Variants in RCL1 observed in about 807,000 individuals in gnomAD.
The protein encoded by RCL1 is RNA terminal phosphate cyclase like 1, also known as RNA 3'-terminal phosphate cyclase-like protein.
A neutral mutation model predicts 42.4 loss-of-function variants in RCL1; 24 were observed. The ratio of observed to expected loss-of-function variants is 0.57; its 90% CI spans 0.41 to 0.80. RCL1 has a LOEUF of 0.80. Among genes scored for constraint, RCL1 ranks in the 30% least tolerant of loss-of-function variants. The pLI, the probability that RCL1 is intolerant of heterozygous loss-of-function variation, is 0.00. For missense variants in RCL1, 578 were observed against 467.9 expected (o/e 1.24, Z -2.17); for synonymous variants, 228 against 177.3 (o/e 1.29, Z -2.27).
At chr9:4,798,820 C>G (rs796999765) in intron 1 of RCL1, among the ~76,000 whole-genome samples, 9 of 151,442 alleles carry the variant, frequency 5.9e-5, no homozygotes, top group African/African-American at 1.9e-4. Context: ...TTTTGTGCCT[C>G]TGATGACAAA....
At chr9:4,827,089 C>G (rs1816790010) in intron 3 of RCL1, 56 bp downstream of exon 3, 2 of 1,610,612 alleles carry the variant, frequency 1.2e-6, no homozygotes, top group East Asian at 4.5e-5. Flanking sequence ...TGTCACAACC[C>G]AACTTGTGAG....
At chr9:4,834,913 C>T (rs767114193) in intron 5 of RCL1, among the ~76,000 whole-genome samples, 3 of 152,162 alleles carry the variant, frequency 2.0e-5, no homozygotes, top group Non-Finnish European at 2.9e-5. Flanking sequence ...CTAATAATGA[C>T]AGAGCTAGGA....
chr9:4,801,170 C>G (rs1015362407), intron 1 of RCL1, among the ~76,000 whole-genome samples: 1 of 152,082 alleles, frequency 6.6e-6, no homozygotes, highest in African/African-American at 2.4e-5. Flanking sequence ...TTTGTATTAA[C>G]TGTTTTGTTT....
intron 5 of RCL1, among the ~76,000 whole-genome samples, chr9:4,838,038 G>A (rs974291519): frequency 8.5e-5 from 13 of 152,118 alleles, no homozygotes; most frequent in African/African-American, 2.7e-4. Context: ...AATGGAGATC[G>A]CCCTCTTCTC....
At chr9:4,854,519 A>G (rs1330647174) in intron 8 of RCL1, among the ~76,000 whole-genome samples, 3 of 152,178 alleles carry the variant, frequency 2.0e-5, no homozygotes, top group Non-Finnish European at 4.4e-5. Context: ...AGGAGGACGC[A>G]GGACCCTCTG....
chr9:4,859,014 C>A (rs962888305), intron 8 of RCL1, among the ~76,000 whole-genome samples: 9 of 152,138 alleles, frequency 5.9e-5, no homozygotes, highest in African/African-American at 2.2e-4. Flanking sequence ...TGGGCTCTTC[C>A]ATATGGACAT....
At chr9:4,798,878 CTT>C (rs33938649) in intron 1 of RCL1, among the ~76,000 whole-genome samples, 4,220 of 139,736 alleles carry the variant, frequency 0.03, 120 homozygotes, top group African/African-American at 0.082. Context: ...AAGACTTCTT[CTT>C]TTTTTTTTTT....
chr9:4,860,344 C>CA lies in RCL1; in HGVS notation c.*71dup, dbSNP rs1818131541. 3 of 1,525,324 alleles carry CA rather than the reference C, an allele frequency of 2.0e-6. No homozygotes were observed. Among genetic ancestry groups the CA allele is most frequent in the Admixed American group, 2.1e-5 (1 of 48,052 alleles). The allele number at this position is 1,525,324 out of a possible 1,614,324, so 94.5% of individuals were successfully genotyped here. ...AAGCTGCCACGGACACCAATGGGAC[C>CA]AAGTCCAAATGGATTAATCCAGGAC... On this transcript the variant is annotated 3_prime_UTR_variant, in exon 9 of 9. Transcript: ENST00000381750.
chr9:4,846,103 A>G (rs545079252), intron 7 of RCL1, among the ~76,000 whole-genome samples: 1 of 152,222 alleles, frequency 6.6e-6, no homozygotes, highest in Non-Finnish European at 1.5e-5. Context: ...CCAGCCTCAC[A>G]GTGGAAAACA....
intron 3 of RCL1, among the ~76,000 whole-genome samples, chr9:4,829,306 A>T (rs1286014146): frequency 1.3e-5 from 2 of 152,188 alleles, no homozygotes; most frequent in African/African-American, 4.8e-5. Flanking sequence ...AGATGGAAGG[A>T]GAACGGAAGG....
At chr9:4,808,908 ACT>A (rs1816072770) in intron 1 of RCL1, among the ~76,000 whole-genome samples, 1 of 152,226 alleles carries the variant, frequency 6.6e-6, no homozygotes, top group Admixed American at 6.5e-5. Flanking sequence ...TGGGGGAACA[ACT>A]CTTAATGATT....
chr9:4,840,442 C>T (rs1312397415), intron 5 of RCL1, among the ~76,000 whole-genome samples: 1 of 152,122 alleles, frequency 6.6e-6, no homozygotes, highest in Non-Finnish European at 1.5e-5. Flanking sequence ...TTGGGGAATG[C>T]CAGCTTCTGT....
At chr9:4,797,571 A>T (rs1842931703) in intron 1 of RCL1, among the ~76,000 whole-genome samples, 1 of 152,194 alleles carries the variant, frequency 6.6e-6, no homozygotes, top group Non-Finnish European at 1.5e-5. Flanking sequence ...AGTGGTTAGA[A>T]TCCAAGGGTG....
chr9:4,827,459 C>T, intron 3 of RCL1: 1 of 350,790 alleles, frequency 2.9e-6, no homozygotes, highest in Non-Finnish European at 5.2e-6. Flanking sequence ...CTTACCCAGG[C>T]TTCAATCATA....
chr9:4,794,977 AC>A (rs113008434), intron 1 of RCL1, among the ~76,000 whole-genome samples: 51 of 152,076 alleles, frequency 3.4e-4, no homozygotes, highest in African/African-American at 1.2e-3. Context: ...TATTTGCCTT[AC>A]CCCGTTCATA....
Position 4,794,982 on chromosome 9 carries a change from G to C in RCL1, c.136+1755G>C, listed in dbSNP as rs147394807. Among the ~76,000 whole-genome samples the C allele has an allele frequency of 2.6e-4, 40 of 152,276 alleles. 2 individuals are homozygous for C. In the East Asian group the frequency reaches 7.5e-3, roughly 29 times the overall value. On this transcript the variant is annotated intron_variant, in intron 1 of 8. Transcript: ENST00000381750. Reference sequence around the variant, plus strand: ...TGTAGAGCATTATTTGCCTTACCCCGTTCATATACCAGGGGAAGAAAGAGA... The same window carrying C: ...TGTAGAGCATTATTTGCCTTACCCCCTTCATATACCAGGGGAAGAAAGAGA...
At chr9:4,830,296 A>AT (rs939339122) in intron 3 of RCL1, among the ~76,000 whole-genome samples, 11 of 152,134 alleles carry the variant, frequency 7.2e-5, no homozygotes, top group East Asian at 1.9e-4. Context: ...TGAGGTTGGG[A>AT]TTTTTTTTAG....
In RCL1 at chr9:4,826,898, A is replaced by G. The variant is rs1272051482; in HGVS notation, c.249A>G (p.Gly83=). 6.2e-7 allele frequency: 1 copy of G among 1,614,068 alleles called. No individual in the cohort carries two copies. Among genetic ancestry groups the G allele is most frequent in the Non-Finnish European group, 8.5e-7 (1 of 1,179,998 alleles). Residue 83 remains glycine (G), a synonymous_variant, in exon 3 of 9, where the codon GGA becomes GGG. Coordinates refer to ENST00000381750, the MANE Select transcript of RCL1 (RefSeq NM_005772.5). The stretch of plus-strand genomic sequence containing the variant: ...ATCAGCCTGGCCTCCTGTATGGTGG[A>G]TCTGTGGAACATGACTGTAGCGTCC... ...LYYQPGLLYG[G]SVEHDCSVLR... is the part of the protein sequence containing the mutation.
intron 3 of RCL1, among the ~76,000 whole-genome samples, chr9:4,830,949 A>G (rs1816923851): frequency 6.6e-6 from 1 of 152,166 alleles, no homozygotes; most frequent in Non-Finnish European, 1.5e-5. Flanking sequence ...CCTTAAGCAG[A>G]ACTTACAGGC....
Sources: allele counts gnomAD v4.1 joint callset (sites outside exome capture counted in the v4.1 genomes callset), GRCh38; gene constraint gnomAD v4.1.1; transcripts MANE v1.5; gene names NCBI Gene and HGNC (gene_info 2026-07-23, HGNC 2026-07-21).